YY1: variants seen among roughly 807,000 people sequenced by gnomAD.
The protein encoded by YY1 is YY1 transcription factor, also known as transcriptional repressor protein YY1.
A neutral mutation model predicts 35.6 loss-of-function variants in YY1; 2 were observed. That is an observed-to-expected ratio of 0.06 (90% CI 0.02 to 0.18). The LOEUF (loss-of-function observed/expected upper bound fraction) is 0.18, where lower values mean the gene tolerates loss of function less well. YY1 is among the 10% of genes least tolerant of loss of function. The pLI, the probability that YY1 is intolerant of heterozygous loss-of-function variation, is 1.00. For synonymous variants in YY1, 268 were observed against 238.9 expected, an observed-to-expected ratio of 1.12 and a Z score of -1.12; for missense variants, 322 against 573.4, an observed-to-expected ratio of 0.56 and a Z score of 4.48.
chr14:100,274,584 C>A, intron 2 of YY1, 114 bp from the exon 3 acceptor site: 1 of 843,078 alleles, frequency 1.2e-6, no homozygotes, highest in Non-Finnish European at 2.0e-6. Flanking sequence ...GGAAATGTAT[C>A]ATAATTTTAG....
chr14:100,245,362 G>T (rs1890816903), intron 1 of YY1, among the ~76,000 whole-genome samples: 1 of 152,108 alleles, frequency 6.6e-6, no homozygotes, highest in Admixed American at 6.6e-5. Flanking sequence ...GCCTAGGCTG[G>T]CCTTGAATTC....
chr14:100,276,476 T>A lies in YY1; in HGVS notation c.904-14T>A. ...TTGCAATGTGAACTTCTAAGCTGCT[T>A]TCTCTGTTTTAAGGGCTGCACAAAG... On this transcript the variant is annotated splice_polypyrimidine_tract_variant and intron_variant, in intron 3 of 4. Coordinates refer to ENST00000262238, the MANE Select transcript of YY1 (RefSeq NM_003403.5). The surrounding 1 kb of genome is among the most constrained non-coding windows in gnomAD (Gnocchi z 4.1). 6.2e-7 allele frequency: 1 copy of A among 1,614,170 alleles called. No individual in the cohort carries two copies. Among genetic ancestry groups the A allele is most frequent in the Non-Finnish European group, 8.5e-7 (1 of 1,180,016 alleles).
chr14:100,275,844 G>A (rs755858763), intron 3 of YY1: 4 of 155,292 alleles, frequency 2.6e-5, no homozygotes, highest in Admixed American at 6.3e-5. Flanking sequence ...CATGCTTCTC[G>A]AGCGCCACAC....
intron 2 of YY1, among the ~76,000 whole-genome samples, chr14:100,264,769 G>A (rs527807584): frequency 6.6e-6 from 1 of 152,324 alleles, no homozygotes; most frequent in South Asian, 2.1e-4. Flanking sequence ...ATGAAGGCCT[G>A]AGTTAGAATT....
Position 100,239,521 on chromosome 14 carries a change from G to A in YY1, c.277G>A (p.Asp93Asn). 1 of 1,611,714 alleles carries A rather than the reference G, an allele frequency of 6.2e-7. No homozygotes were observed. The change falls in exon 1 of 5, where the codon GAC becomes AAC. Residue 93 changes from aspartate to asparagine, a missense_variant. By Grantham distance (23) the Asp-to-Asn change is conservative (BLOSUM62 1). Transcript: ENST00000262238. ...MIALQPLVTD[D>N]PTQVHHHQEV... ...CGCTCTGCAGCCGCTGGTCACCGAC[G>A]ACCCGACCCAGGTGCACCACCACCA...
At chr14:100,243,229 TG>T (rs1357233316) in intron 1 of YY1, among the ~76,000 whole-genome samples, 5 of 152,218 alleles carry the variant, frequency 3.3e-5, no homozygotes, top group Admixed American at 3.3e-4. Flanking sequence ...GGTTAATTGT[TG>T]GGTAAATCTG....
rs1357714001 is a variant in YY1 at position 100,281,038 on chromosome 14, T to C, written c.*3438T>C. On this transcript the variant is annotated 3_prime_UTR_variant, in exon 5 of 5. Coordinates refer to ENST00000262238, the MANE Select transcript of YY1 (RefSeq NM_003403.5). The stretch of plus-strand genomic sequence containing the variant: ...TCGCACCACTGCACTCCAGCCTGGG[T>C]GACAGAGCAAGACTCCGTCTCCCAA... The C allele has an allele frequency of 3.5e-5, 4 of 114,132 alleles. No individual in the cohort carries two copies. The highest frequency in any genetic ancestry group is 6.2e-4 in the South Asian group (2 of 3,230). The allele number at this position is 114,132 out of a possible 1,614,324, so 7.1% of individuals were successfully genotyped here.
chr14:100,259,484 C>T (rs1358105237), intron 1 of YY1, among the ~76,000 whole-genome samples: 3 of 151,702 alleles, frequency 2.0e-5, no homozygotes. Flanking sequence ...TGTGCCACTG[C>T]ACTCTAGCCT....
chr14:100,239,949 C>A, intron 1 of YY1, 26 bp downstream of exon 1: 1 of 1,511,270 alleles, frequency 6.6e-7, no homozygotes, highest in Non-Finnish European at 8.8e-7. Context: ...GCGCCCCGGC[C>A]CCGGGATGTT....
At chr14:100,256,537 T>G (rs1358458561) in intron 1 of YY1, among the ~76,000 whole-genome samples, 1 of 152,228 alleles carries the variant, frequency 6.6e-6, no homozygotes, top group Non-Finnish European at 1.5e-5. Context: ...AATGTTGTTA[T>G]ATGTTACAAC....
intron 1 of YY1, among the ~76,000 whole-genome samples, chr14:100,242,058 C>CAG (rs1890754622): frequency 1.3e-5 from 2 of 149,298 alleles, no homozygotes; most frequent in Admixed American, 1.4e-4. Flanking sequence ...TTGCAGAATT[C>CAG]AGAATACGAT....
At chr14:100,261,429 A>G (rs916378787) in intron 1 of YY1, among the ~76,000 whole-genome samples, 1 of 151,952 alleles carries the variant, frequency 6.6e-6, no homozygotes, top group Non-Finnish European at 1.5e-5. Flanking sequence ...ATTGCAAGCA[A>G]TCCACCGCCT....
At position 100,277,756 on chromosome 14, in the gene YY1, TA is replaced by T. The variant is rs112634633; in HGVS notation, c.*168del. The T allele has an allele frequency of 0.012, 8,089 of 652,910 alleles. 35 individuals are homozygous for T. The highest frequency in any genetic ancestry group is 0.042 in the African/African-American group (2,182 of 52,126). The allele number at this position is 652,910 out of a possible 1,614,324, so 40.4% of individuals were successfully genotyped here. On this transcript the variant is annotated 3_prime_UTR_variant, in exon 5 of 5. Coordinates refer to ENST00000262238, the MANE Select transcript of YY1 (RefSeq NM_003403.5). The surrounding 1 kb of genome is among the most constrained non-coding windows in gnomAD (Gnocchi z 5.6). ...CATGTTTTGATAAAGTAGTAAAAAT[TA>T]AAAAAAAAAAACTTTACTAAGATGA...
rs200186496 is a variant in YY1, at chr14:100,253,996, C to CT, written c.680-8299dup. 1.6e-3 allele frequency among the ~76,000 whole-genome samples: 235 copies of CT among 150,980 alleles called. 1 individual carries two copies. Among genetic ancestry groups the CT allele is most frequent in the African/African-American group, 4.8e-3 (197 of 41,166 alleles). On this transcript the variant is annotated intron_variant, in intron 1 of 4. Coordinates refer to ENST00000262238, the MANE Select transcript of YY1 (RefSeq NM_003403.5). ...AGGTGCCCGCTACCACACCTATAATCTTTTTTTTTATATATTTTTGCTAGA... is the reference window on the plus strand; with the variant it reads ...AGGTGCCCGCTACCACACCTATAATCTTTTTTTTTTATATATTTTTGCTAGA...
intron 1 of YY1, among the ~76,000 whole-genome samples, chr14:100,244,983 C>T (rs1358489225): frequency 6.6e-6 from 1 of 151,982 alleles, no homozygotes; most frequent in Admixed American, 6.5e-5. Context: ...GTCACCCAGG[C>T]TAGAGTGCAG....
At chr14:100,274,339 A>T (rs1005514296) in intron 2 of YY1, among the ~76,000 whole-genome samples, 1 of 152,148 alleles carries the variant, frequency 6.6e-6, no homozygotes, top group African/African-American at 2.4e-5. Flanking sequence ...AAGGAGATTC[A>T]TCTGATTGTC....
chr14:100,250,639 A>G (rs1387975442), intron 1 of YY1, among the ~76,000 whole-genome samples: 1 of 152,112 alleles, frequency 6.6e-6, no homozygotes, highest in Non-Finnish European at 1.5e-5. Flanking sequence ...TTTGTGTATG[A>G]AGGGGACCAC....
At chr14:100,260,166 T>A (rs1309368848) in intron 1 of YY1, among the ~76,000 whole-genome samples, 1 of 151,990 alleles carries the variant, frequency 6.6e-6, no homozygotes, top group Non-Finnish European at 1.5e-5. Flanking sequence ...AACCTCCACT[T>A]CCCGGGTTTA....
intron 1 of YY1, among the ~76,000 whole-genome samples, chr14:100,242,894 A>G (rs1253291182): frequency 6.6e-6 from 1 of 152,086 alleles, no homozygotes; most frequent in Non-Finnish European, 1.5e-5. Context: ...GATTGCAGGC[A>G]TCCACCACCA....
Sources: gnomAD v4.1 joint callset for allele counts (sites outside exome capture counted in the v4.1 genomes callset) on GRCh38, gnomAD v4.1.1 for gene constraint, Gnocchi (gnomAD v3.1) non-coding constraint, MANE v1.5 for transcripts, NCBI Gene and HGNC (gene_info 2026-07-23, HGNC 2026-07-21) for gene names.